TBX15: variants seen among roughly 807,000 people sequenced by gnomAD.
The protein encoded by TBX15 is T-box transcription factor 15.
In TBX15, 18 loss-of-function variants were observed where a neutral mutation model predicts 53.9. The ratio of observed to expected loss-of-function variants is 0.33; its 90% confidence interval spans 0.23 to 0.49. TBX15 has a LOEUF of 0.49. Among genes scored for constraint, TBX15 ranks in the 20% least tolerant of loss-of-function variants. The pLI, the probability that TBX15 is intolerant of heterozygous loss-of-function variation, is 0.98. For missense variants in TBX15, 692 were observed against 749.5 expected (o/e 0.92, Z 0.90); for synonymous variants, 295 against 278.0 (o/e 1.06, Z -0.61).
At chr1:118,933,759 C>A (rs1312318843) in intron 1 of TBX15, among the ~76,000 whole-genome samples, 1 of 152,122 alleles carries the variant, frequency 6.6e-6, no homozygotes, top group Non-Finnish European at 1.5e-5. Flanking sequence ...TTAAGAGCTC[C>A]TCACTTATCA....
chr1:118,980,974 A>C (rs913077157), intron 1 of TBX15, among the ~76,000 whole-genome samples: 27 of 152,090 alleles, frequency 1.8e-4, no homozygotes, highest in Non-Finnish European at 5.9e-5. Flanking sequence ...CTGGGATTAC[A>C]GGCCCGCACC....
chr1:118,951,445 T>C (rs2101656472), intron 1 of TBX15, among the ~76,000 whole-genome samples: 1 of 152,244 alleles, frequency 6.6e-6, no homozygotes, highest in South Asian at 2.1e-4. Context: ...GTGGAGGGGT[T>C]TTGAGTAACA....
Position 118,884,699 on chromosome 1 carries a change from T to C in TBX15, c.*33A>G. The C allele has an allele frequency of 6.2e-7, 1 of 1,613,398 alleles. No individual in the cohort carries two copies. Among genetic ancestry groups the C allele is most frequent in the Non-Finnish European group, 8.5e-7 (1 of 1,179,912 alleles). ...GACCACGGAGACTCTGGGGCCTTGA[T>C]TGCCAAATGCTCCGTGGTGTTTGGA... On this transcript the variant is annotated 3_prime_UTR_variant, in exon 8 of 8. Coordinates refer to ENST00000369429, the MANE Select transcript of TBX15 (RefSeq NM_001330677.2).
chr1:118,926,231 C>CCAATGTTAA (rs1202810571), intron 3 of TBX15, among the ~76,000 whole-genome samples: 1 of 152,162 alleles, frequency 6.6e-6, no homozygotes, highest in Non-Finnish European at 1.5e-5. Context: ...TTAATCACTT[C>CCAATGTTAA]CAATGTTAAT....
At chr1:118,925,156 A>C (rs1233036341) in intron 3 of TBX15, among the ~76,000 whole-genome samples, 1 of 152,188 alleles carries the variant, frequency 6.6e-6, no homozygotes, top group Non-Finnish European at 1.5e-5. Flanking sequence ...GCACACATGC[A>C]TCCTGAACTC....
intron 1 of TBX15, among the ~76,000 whole-genome samples, chr1:118,946,166 A>G (rs1023899169): frequency 3.9e-5 from 6 of 152,178 alleles, no homozygotes; most frequent in Non-Finnish European, 8.8e-5. Context: ...AGGCTAGGAA[A>G]TTTCATAGAT....
chr1:118,911,846 T>C (rs1427794454), intron 6 of TBX15, among the ~76,000 whole-genome samples: 1 of 152,200 alleles, frequency 6.6e-6, no homozygotes, highest in Non-Finnish European at 1.5e-5. Flanking sequence ...GGTAGCTTCT[T>C]TTGCAACATT....
At chr1:118,893,557 GGAAA>G (rs1654279881) in intron 7 of TBX15, among the ~76,000 whole-genome samples, 1 of 105,160 alleles carries the variant, frequency 9.5e-6, no homozygotes, top group Non-Finnish European at 1.7e-5. Context: ...AAGGAAGGAA[GGAAA>G]GAAGGAAGGA....
At chr1:118,944,653 C>T (rs1212162733) in intron 1 of TBX15, among the ~76,000 whole-genome samples, 1 of 152,292 alleles carries the variant, frequency 6.6e-6, no homozygotes, top group Non-Finnish European at 1.5e-5. Context: ...TTGCTCCTAC[C>T]CTCCTCCCCA....
chr1:118,905,082 C>T (rs954455780), intron 6 of TBX15, among the ~76,000 whole-genome samples: 3 of 152,176 alleles, frequency 2.0e-5, no homozygotes, highest in African/African-American at 7.2e-5. Context: ...AAAAGAATTA[C>T]AATCATTCTC....
intron 1 of TBX15, among the ~76,000 whole-genome samples, chr1:118,958,365 A>C (rs961321347): frequency 6.6e-6 from 1 of 152,146 alleles, no homozygotes; most frequent in Non-Finnish European, 1.5e-5. Context: ...GTGAGAAATA[A>C]ATTTCTGTTG....
rs202071853 is a variant in TBX15, at chr1:118,924,734, G to T, written c.605C>A (p.Ser202Tyr). Residue 202 changes from serine to tyrosine, a missense_variant, in exon 4 of 8, where the codon TCT (serine) becomes TAT (tyrosine). By Grantham distance (144) the Ser-to-Tyr change is moderately radical (BLOSUM62 -2). Coordinates refer to ENST00000369429, the MANE Select transcript of TBX15 (RefSeq NM_001330677.2). Reference sequence around the variant, plus strand: ...CATCCAGGTGTCTCCAGAAGCTAGAGAATCAGGGTGTATATAAACTCTTGG... The same window carrying T: ...CATCCAGGTGTCTCCAGAAGCTAGATAATCAGGGTGTATATAAACTCTTGG... ...VPPRVYIHPD[S>Y]LASGDTWMRQ... 5.9e-5 allele frequency: 96 copies of T among 1,613,952 alleles called. No individual in the cohort carries two copies. The highest frequency in any genetic ancestry group is 7.9e-5 in the Non-Finnish European group (93 of 1,179,974).
chr1:118,897,139 G>A (rs1258963718), intron 7 of TBX15, among the ~76,000 whole-genome samples: 1 of 152,130 alleles, frequency 6.6e-6, no homozygotes, highest in Admixed American at 6.5e-5. Flanking sequence ...AGCCTGCTAT[G>A]CTGCACATCT....
intron 5 of TBX15, among the ~76,000 whole-genome samples, chr1:118,915,482 T>C (rs1381750525): frequency 1.3e-5 from 2 of 152,242 alleles, no homozygotes; most frequent in African/African-American, 4.8e-5. Flanking sequence ...TAAATATTCC[T>C]TGCCTTTAAA....
At chr1:118,891,969 A>T (rs1487161569) in intron 7 of TBX15, among the ~76,000 whole-genome samples, 1 of 152,208 alleles carries the variant, frequency 6.6e-6, no homozygotes, top group Non-Finnish European at 1.5e-5. Context: ...TTCCACTATG[A>T]ATCTGAAGGG....
chr1:118,919,836 A>C (rs1655363992), intron 5 of TBX15, among the ~76,000 whole-genome samples: 1 of 152,202 alleles, frequency 6.6e-6, no homozygotes, highest in Non-Finnish European at 1.5e-5. Flanking sequence ...GACAGTTAAC[A>C]TCTATCTACT....
In TBX15 at chr1:118,916,514, G is replaced by A. The variant is rs1766791; in HGVS notation, c.862-2335C>T. ...CAACATCACTGATCATTAGAGAAAT[G>A]CAAATCAAAACCACAATGAGATACC... On this transcript the variant is annotated intron_variant, in intron 5 of 7. Coordinates refer to ENST00000369429, the MANE Select transcript of TBX15 (RefSeq NM_001330677.2). 5.0e-3 allele frequency among the ~76,000 whole-genome samples: 759 copies of A among 152,224 alleles called. 7 individuals are homozygous for A. Among genetic ancestry groups the A allele is most frequent in the African/African-American group, 0.017 (708 of 41,518 alleles).
chr1:118,902,264 T>C (rs967800433), intron 6 of TBX15, among the ~76,000 whole-genome samples: 1 of 152,154 alleles, frequency 6.6e-6, no homozygotes. Context: ...TTATGCTTCA[T>C]TGGATAGATC....
At chr1:118,959,888 T>C (rs187633558) in intron 1 of TBX15, among the ~76,000 whole-genome samples, 1 of 151,892 alleles carries the variant, frequency 6.6e-6, no homozygotes, top group Non-Finnish European at 1.5e-5. Flanking sequence ...TACCTTGGGG[T>C]GGAGTAGAGA....
Sources: gnomAD v4.1 joint callset for allele counts (sites outside exome capture counted in the v4.1 genomes callset) on GRCh38, gnomAD v4.1.1 for gene constraint, MANE v1.5 for transcripts, NCBI Gene and HGNC (gene_info 2026-07-23, HGNC 2026-07-21) for gene names.